The following MARCHF4 variants were observed in gnomAD, a reference collection of about 807,000 sequenced individuals.
The protein encoded by MARCHF4 is E3 ubiquitin-protein ligase MARCHF4.
MARCHF4 carries 14 observed loss-of-function variants against 43.9 expected under a neutral mutation model. The observed-to-expected ratio is 0.32, with a 90% CI of 0.21 to 0.50. The LOEUF (loss-of-function observed/expected upper bound fraction) is 0.50, where lower values mean the gene tolerates loss of function less well. Ranked by LOEUF, MARCHF4 falls within the 20% of genes least tolerant of loss-of-function variation. The probability of loss-of-function intolerance (pLI) is 0.98; values close to 1 mark genes in which losing one functional copy is unlikely to be tolerated. For missense variants in MARCHF4, 468 were observed against 536.7 expected (o/e 0.87, Z 1.27); for synonymous variants, 226 against 213.3 (o/e 1.06, Z -0.52).
At chr2:216,260,016 AC>A (rs1310390752) in intron 3 of MARCHF4, among the ~76,000 whole-genome samples, 1 of 152,196 alleles carries the variant, frequency 6.6e-6, no homozygotes, top group Non-Finnish European at 1.5e-5. Context: ...TATCCATGGC[AC>A]CCAGTCCTTA....
At position 216,273,694 on chromosome 2, in the gene MARCHF4, G is replaced by C. The variant is rs747137732; in HGVS notation, c.865+3978C>G. On this transcript the variant is annotated intron_variant, in intron 3 of 3. Coordinates refer to ENST00000273067, the MANE Select transcript of MARCHF4 (RefSeq NM_020814.3). ...GAAGCAAACTAACCTATCAGGTTTT[G>C]AAACTGTAGAATGCCTCAGATGTAA... is the stretch of plus-strand genomic sequence containing the variant. Among the ~76,000 whole-genome samples the C allele has an allele frequency of 1.6e-4, 24 of 152,288 alleles. No individual in the cohort carries two copies. The Middle Eastern group carries it at 0.014, about 86-fold the overall frequency.
At chr2:216,295,112 G>A (rs372716610) in intron 1 of MARCHF4, among the ~76,000 whole-genome samples, 6 of 152,294 alleles carry the variant, frequency 3.9e-5, no homozygotes, top group South Asian at 2.1e-4. Context: ...CATGGTTAGC[G>A]GGGCCTGCAG....
intron 1 of MARCHF4, among the ~76,000 whole-genome samples, chr2:216,353,463 T>C (rs1374383755): frequency 1.3e-5 from 2 of 152,260 alleles, no homozygotes; most frequent in African/African-American, 2.4e-5. Context: ...TGATATTTTC[T>C]AGTCTAAGAA....
chr2:216,276,556 C>A (rs530483298), intron 3 of MARCHF4, among the ~76,000 whole-genome samples: 2 of 152,184 alleles, frequency 1.3e-5, no homozygotes, highest in Non-Finnish European at 2.9e-5. Flanking sequence ...GTATGTAAGT[C>A]TCCAGGCTTT....
At chr2:216,262,211 G>T (rs894966390) in intron 3 of MARCHF4, among the ~76,000 whole-genome samples, 1 of 152,180 alleles carries the variant, frequency 6.6e-6, no homozygotes, top group Non-Finnish European at 1.5e-5. Context: ...TTACAAGGGA[G>T]ATGTGGTAGA....
chr2:216,318,744 A>C (rs1691825609), intron 1 of MARCHF4, among the ~76,000 whole-genome samples: 1 of 152,154 alleles, frequency 6.6e-6, no homozygotes, highest in African/African-American at 2.4e-5. Flanking sequence ...CCTTGCTGTC[A>C]TGATGGGACT....
intron 1 of MARCHF4, among the ~76,000 whole-genome samples, chr2:216,292,489 GAGA>G (rs1337090546): frequency 6.6e-6 from 1 of 152,214 alleles, no homozygotes; most frequent in African/African-American, 2.4e-5. Context: ...TGGATTTGTG[GAGA>G]AGAATAAGGA....
At chr2:216,262,523 T>C (rs1460141749) in intron 3 of MARCHF4, among the ~76,000 whole-genome samples, 1 of 152,082 alleles carries the variant, frequency 6.6e-6, no homozygotes, top group Non-Finnish European at 1.5e-5. Flanking sequence ...CAAGGCCAAG[T>C]CTTTATGAGG....
At chr2:216,345,225 C>A (rs913376819) in intron 1 of MARCHF4, among the ~76,000 whole-genome samples, 2 of 151,972 alleles carry the variant, frequency 1.3e-5, no homozygotes, top group African/African-American at 4.8e-5. Context: ...TGCTTTCTCC[C>A]CACGAATACT....
At chr2:216,326,467 A>G (rs1691993664) in intron 1 of MARCHF4, among the ~76,000 whole-genome samples, 2 of 150,540 alleles carry the variant, frequency 1.3e-5, no homozygotes, top group African/African-American at 4.9e-5. Context: ...CTGGGTATAT[A>G]CCCAAAGGAC....
At chr2:216,300,539 T>A (rs1574468393) in intron 1 of MARCHF4, among the ~76,000 whole-genome samples, 1 of 151,430 alleles carries the variant, frequency 6.6e-6, no homozygotes, top group African/African-American at 2.4e-5. Flanking sequence ...TAGAGAAGGG[T>A]TTCATTATGT....
rs1334661286 is a variant in MARCHF4, at chr2:216,372,366, A to AC, written c.-2107dup. 6.6e-6 allele frequency among the ~76,000 whole-genome samples: 1 copy of AC among 151,916 alleles called. No individual in the cohort carries two copies. Among genetic ancestry groups the AC allele is most frequent in the Non-Finnish European group, 1.5e-5 (1 of 67,990 alleles). ...GGGCGAGTGGACAGCTCCCACCCAG[A>AC]CCCCGCGCGTCACGCTCGTGGGGGC... On this transcript the variant is annotated 5_prime_UTR_variant, in exon 1 of 4. Coordinates refer to ENST00000273067, the MANE Select transcript of MARCHF4 (RefSeq NM_020814.3).
intron 1 of MARCHF4, among the ~76,000 whole-genome samples, chr2:216,367,120 A>T (rs927856090): frequency 6.6e-6 from 1 of 152,176 alleles, no homozygotes; most frequent in African/African-American, 2.4e-5. Context: ...GATTGGGGTG[A>T]TGGGGAGCAG....
At chr2:216,278,686 C>T (rs900339755) in intron 2 of MARCHF4, among the ~76,000 whole-genome samples, 12 of 152,110 alleles carry the variant, frequency 7.9e-5, no homozygotes, top group Middle Eastern at 3.4e-3. Flanking sequence ...GTTCACTAGA[C>T]GAGAGAATGA....
At chr2:216,298,514 C>T (rs1274003945) in intron 1 of MARCHF4, among the ~76,000 whole-genome samples, 1 of 152,146 alleles carries the variant, frequency 6.6e-6, no homozygotes, top group African/African-American at 2.4e-5. Context: ...GATTCACCTG[C>T]TTTGGCCTCC....
chr2:216,346,824 G>T (rs571140878), intron 1 of MARCHF4, among the ~76,000 whole-genome samples: 20 of 152,258 alleles, frequency 1.3e-4, no homozygotes, highest in Middle Eastern at 3.4e-3. Context: ...CAGTTGATAG[G>T]GTTTGAGTCT....
At chr2:216,348,390 A>G (rs761608012) in intron 1 of MARCHF4, among the ~76,000 whole-genome samples, 9 of 152,142 alleles carry the variant, frequency 5.9e-5, no homozygotes, top group Non-Finnish European at 1.0e-4. Flanking sequence ...CACAAGATAC[A>G]GGTCATAAAG....
At chr2:216,268,864 G>A (rs1025461673) in intron 3 of MARCHF4, among the ~76,000 whole-genome samples, 3 of 152,158 alleles carry the variant, frequency 2.0e-5, no homozygotes, top group Non-Finnish European at 4.4e-5. Context: ...TGTAGTTAAC[G>A]TGGGTTAAAA....
At chr2:216,273,744 C>A (rs1690977332) in intron 3 of MARCHF4, among the ~76,000 whole-genome samples, 1 of 152,192 alleles carries the variant, frequency 6.6e-6, no homozygotes, top group African/African-American at 2.4e-5. Context: ...GTGGCTCCTG[C>A]CTTTGTTTCC....
Sources: gnomAD v4.1 joint callset for allele counts (sites outside exome capture counted in the v4.1 genomes callset) on GRCh38, gnomAD v4.1.1 for gene constraint, MANE v1.5 for transcripts, NCBI Gene and HGNC (gene_info 2026-07-23, HGNC 2026-07-21) for gene names.